Variants in GFRA2 observed in about 807,000 individuals in gnomAD.
The protein encoded by GFRA2 is GDNF family receptor alpha 2, also known as GDNF family receptor alpha-2.
A neutral mutation model predicts 48.3 loss-of-function variants in GFRA2; 17 were observed. The observed-to-expected ratio is 0.35, with a 90% CI of 0.24 to 0.53. GFRA2 has a LOEUF of 0.53. Among genes scored for constraint, GFRA2 ranks in the 20% least tolerant of loss-of-function variants. The pLI is 0.93. For missense variants in GFRA2, 660 were observed against 637.3 expected (o/e 1.04, Z -0.38); for synonymous variants, 305 against 257.2 (o/e 1.19, Z -1.78).
intron 4 of GFRA2, among the ~76,000 whole-genome samples, chr8:21,713,418 A>C (rs1338212825): frequency 6.6e-6 from 1 of 151,426 alleles, no homozygotes; most frequent in Non-Finnish European, 1.5e-5. Flanking sequence ...CTGGTCTCAA[A>C]CTCCTGACCT....
chr8:21,764,702 G>C (rs534492671), intron 3 of GFRA2, among the ~76,000 whole-genome samples: 77 of 152,196 alleles, frequency 5.1e-4, no homozygotes, highest in African/African-American at 1.8e-3. Context: ...TCCTGAAATC[G>C]CCCCTTCCTG....
At chr8:21,701,480 G>A (rs1056544404) in intron 7 of GFRA2, among the ~76,000 whole-genome samples, 3 of 152,200 alleles carry the variant, frequency 2.0e-5, no homozygotes, top group Admixed American at 2.0e-4. Context: ...AAGAAGCCTG[G>A]AGAGTGGTAG....
At chr8:21,758,488 C>A (rs989799974) in intron 3 of GFRA2, among the ~76,000 whole-genome samples, 22 of 152,158 alleles carry the variant, frequency 1.4e-4, no homozygotes, top group African/African-American at 5.3e-4. Flanking sequence ...TGCCCCTCAT[C>A]CCATTTGCAG....
chr8:21,755,483 A>T (rs1227660998), intron 3 of GFRA2, among the ~76,000 whole-genome samples: 1 of 152,208 alleles, frequency 6.6e-6, no homozygotes, highest in Non-Finnish European at 1.5e-5. Flanking sequence ...TATATCTTTA[A>T]TGAGGACCTA....
chr8:21,788,718 G>T lies in GFRA2; in HGVS notation c.-559C>A, dbSNP rs1358101424. The T allele has an allele frequency of 2.0e-6, 2 of 981,764 alleles. No homozygotes were observed. The highest frequency in any genetic ancestry group is 3.5e-5 in the African/African-American group (2 of 57,092). 60.8% of individuals were successfully genotyped at this position (981,764 alleles called of 1,614,324 possible). A position where few individuals can be genotyped will look rare whatever the true frequency, so the allele number is the denominator to read the frequency against. On this transcript the variant is annotated 5_prime_UTR_variant, in exon 1 of 9. Coordinates refer to ENST00000524240, the MANE Select transcript of GFRA2 (RefSeq NM_001495.5). ...TTCTTTCGCACCAAGACGAAGACAA[G>T]ATTCAAAAAAATCTTCTCCCGCTAA... is the stretch of plus-strand genomic sequence containing the variant.
intron 4 of GFRA2, among the ~76,000 whole-genome samples, chr8:21,713,545 G>A (rs1200606603): frequency 6.6e-6 from 1 of 151,954 alleles, no homozygotes; most frequent in Non-Finnish European, 1.5e-5. Flanking sequence ...GGGGAAGAGA[G>A]CAGGGCTGAG....
At chr8:21,792,248 C>T (rs916929052), upstream of GFRA2, among the ~76,000 whole-genome samples, 2 of 152,240 alleles carry the variant, frequency 1.3e-5, no homozygotes, top group Admixed American at 6.5e-5. Flanking sequence ...CGCACCTAGG[C>T]CTGGGCCACA....
At chr8:21,714,297 G>A (rs1803225991) in intron 4 of GFRA2, among the ~76,000 whole-genome samples, 1 of 124,928 alleles carries the variant, frequency 8.0e-6, no homozygotes, top group Admixed American at 1.1e-4. Context: ...TGTCGCCAAG[G>A]CTGGGCAGTG....
intron 1 of GFRA2, chr8:21,805,210 GC>G (rs1807838079): frequency 6.6e-6 from 1 of 152,194 alleles, no homozygotes; most frequent in African/African-American, 2.4e-5. Context: ...CTTCCTGTGA[GC>G]CCCTCCCCTC....
chr8:21,782,150 C>T (rs1807023318), intron 2 of GFRA2, among the ~76,000 whole-genome samples: 1 of 152,124 alleles, frequency 6.6e-6, no homozygotes. Context: ...CTGCACCCAG[C>T]CTGCCCCTTC....
At chr8:21,800,393 C>T (rs928045079) in intron 2 of GFRA2, among the ~76,000 whole-genome samples, 8 of 152,224 alleles carry the variant, frequency 5.3e-5, no homozygotes, top group Non-Finnish European at 1.2e-4. Context: ...GCAGCATTCA[C>T]ACGCCACTCC....
chr8:21,767,815 T>G lies in GFRA2; in HGVS notation c.439+7157A>C, dbSNP rs990311831. 9.8e-5 allele frequency among the ~76,000 whole-genome samples: 15 copies of G among 152,338 alleles called. No homozygotes were observed. In the South Asian group the frequency reaches 2.1e-3, roughly 21 times the overall value. On this transcript the variant is annotated intron_variant, in intron 3 of 8. Transcript: ENST00000524240. ...TGGTTGTGGGAGGGGGCACTAAATT[T>G]TGTTCCCTCCTCGTCTTTTTCATAG... is the stretch of plus-strand genomic sequence containing the variant.
upstream of GFRA2, among the ~76,000 whole-genome samples, chr8:21,793,654 A>G (rs1807617780): frequency 6.6e-6 from 1 of 152,122 alleles, no homozygotes; most frequent in African/African-American, 2.4e-5. Flanking sequence ...TCAACTGCCC[A>G]AGGTCATATT....
intron 2 of GFRA2, among the ~76,000 whole-genome samples, chr8:21,794,836 A>T (rs1807639757): frequency 6.6e-6 from 1 of 152,208 alleles, no homozygotes; most frequent in Non-Finnish European, 1.5e-5. Flanking sequence ...GCAGGAATTT[A>T]AATAAACCAT....
chr8:21,801,986 C>T (rs1412784697), intron 2 of GFRA2, among the ~76,000 whole-genome samples: 2 of 152,238 alleles, frequency 1.3e-5, no homozygotes, highest in Non-Finnish European at 2.9e-5. Flanking sequence ...GAACTTCCAT[C>T]CCGTCCGCTC....
chr8:21,746,317 C>T (rs890497471), intron 4 of GFRA2, among the ~76,000 whole-genome samples: 1 of 152,222 alleles, frequency 6.6e-6, no homozygotes, highest in African/African-American at 2.4e-5. Flanking sequence ...AAGGGCACTT[C>T]TCCATGCTCG....
Position 21,788,115 on chromosome 8 carries a change from C to G in GFRA2, c.40+5G>C. 1 of 1,511,236 alleles carries G rather than the reference C, an allele frequency of 6.6e-7. No homozygotes were observed. Among genetic ancestry groups the G allele is most frequent in the Non-Finnish European group, 9.0e-7 (1 of 1,116,240 alleles). 93.6% of individuals were successfully genotyped at this position (1,511,236 alleles called of 1,614,324 possible). On this transcript the variant is annotated splice_donor_5th_base_variant and intron_variant, in intron 1 of 8. Transcript: ENST00000524240. Reference sequence around the variant, plus strand: ...CCCTCGAGCTCGCCGCCCGCAGGTACTCACCTAGAAAGAAGAAGAGGCAGA... The same window carrying G: ...CCCTCGAGCTCGCCGCCCGCAGGTAGTCACCTAGAAAGAAGAAGAGGCAGA...
Position 21,782,699 on chromosome 8 carries a change from C to A in GFRA2, c.241G>T (p.Ala81Ser), listed in dbSNP as rs1182741285. Residue 81 changes from alanine (A) to serine (S), a missense_variant, in exon 2 of 9, where the codon GCC becomes TCC. Physicochemically the swap from Ala to Ser is moderately conservative, Grantham distance 99. Coordinates refer to ENST00000524240, the MANE Select transcript of GFRA2 (RefSeq NM_001495.5). ...GGGCTCTCCTGCAAGACCTCCAAGG[C>A]CGCCTGGCACTCCTTGTTGGCCAGC... is the stretch of plus-strand genomic sequence containing the variant. Reference protein sequence around the residue: ...TMLANKECQAALEVLQESPLY... With the variant: ...TMLANKECQASLEVLQESPLY... 2 of 1,593,574 alleles carry A rather than the reference C, an allele frequency of 1.3e-6. No homozygotes were observed. Among genetic ancestry groups the A allele is most frequent in the Non-Finnish European group, 1.7e-6 (2 of 1,170,606 alleles).
intron 4 of GFRA2, among the ~76,000 whole-genome samples, chr8:21,711,222 CT>C (rs1346052473): frequency 1.3e-5 from 2 of 152,248 alleles, no homozygotes; most frequent in Non-Finnish European, 2.9e-5. Context: ...TGAGAACAGA[CT>C]TTTCCTGGAT....
Sources: allele counts gnomAD v4.1 joint callset (sites outside exome capture counted in the v4.1 genomes callset), GRCh38; gene constraint gnomAD v4.1.1; transcripts MANE v1.5; gene names NCBI Gene and HGNC (gene_info 2026-07-23, HGNC 2026-07-21).